The following UGT1A6 variants were observed in gnomAD, a reference collection of about 807,000 sequenced individuals.
UGT1A6 encodes UDP-glucuronosyltransferase 1A6.
A neutral mutation model predicts 44.4 loss-of-function variants in UGT1A6; 32 were observed. The observed-to-expected ratio is 0.72, with a 90% CI of 0.54 to 0.97. UGT1A6 has a LOEUF of 0.97. Among genes scored for constraint, UGT1A6 ranks in the 50% least tolerant of loss-of-function variants. The pLI is 0.00. For synonymous variants in UGT1A6, 238 were observed against 248.5 expected, an observed-to-expected ratio of 0.96 and a Z score of 0.40; for missense variants, 685 against 661.9, an observed-to-expected ratio of 1.03 and a Z score of -0.38.
intron 1 of UGT1A6, chr2:233,713,615 G>T (rs374147519): frequency 6.2e-7 from 1 of 1,613,832 alleles, no homozygotes; most frequent in Non-Finnish European, 8.5e-7. Context: ...TGACATTCCT[G>T]CAAAGGGTCA....
In UGT1A6 at chr2:233,772,793, T is replaced by C. The variant is rs532329443; in HGVS notation, c.*234T>C. 4.9e-6 allele frequency: 6 copies of C among 1,212,356 alleles called. No individual in the cohort carries two copies. The African/African-American group carries it at 9.2e-5, about 19-fold the overall frequency. 75.1% of individuals were successfully genotyped at this position (1,212,356 alleles called of 1,614,324 possible). ...TCTGGTGTCTTTGATCAGGATGACA[T>C]GTGCCATTTTTCAGAGGACGTGCAG... On this transcript the variant is annotated 3_prime_UTR_variant, in exon 5 of 5. Transcript: ENST00000305139.
rs1019965389 is a variant in UGT1A6, at chr2:233,761,222, C to A, written c.862-5812C>A. 2.1e-5 allele frequency: 34 copies of A among 1,613,256 alleles called. No homozygotes were observed. In the African/African-American group the frequency reaches 4.4e-4, roughly 21 times the overall value. ...GTATTACTTTGGATCGATTAACTAG[C>A]CCCAGATATATGCTGAGCAAGCATT... On this transcript the variant is annotated intron_variant, in intron 1 of 4. Coordinates refer to ENST00000305139, the MANE Select transcript of UGT1A6 (RefSeq NM_001072.4).
chr2:233,704,482 A>G (rs2075791499), intron 1 of UGT1A6, among the ~76,000 whole-genome samples: 1 of 152,052 alleles, frequency 6.6e-6, no homozygotes, highest in South Asian at 2.1e-4. Flanking sequence ...TCCCCTTTTT[A>G]TGATATTATT....
intron 1 of UGT1A6, among the ~76,000 whole-genome samples, chr2:233,759,654 A>G: frequency 8.3e-6 from 1 of 120,204 alleles, no homozygotes; most frequent in Non-Finnish European, 1.6e-5. Flanking sequence ...CACGATTTCT[A>G]AGTTCCTGCT....
In UGT1A6 at chr2:233,772,858, A is replaced by C; in HGVS notation, c.*299A>C. ...TAGATTACTTTTCTTACTCTGAAAC[A>C]TGGCCTGTTTGGGAGTGCGGGATTC... On this transcript the variant is annotated 3_prime_UTR_variant, in exon 5 of 5. Transcript: ENST00000305139. The C allele has an allele frequency of 1.4e-6, 1 of 719,796 alleles. No individual in the cohort carries two copies. The allele number at this position is 719,796 out of a possible 1,614,324, so 44.6% of individuals were successfully genotyped here.
rs193257830 is a variant in UGT1A6, at chr2:233,736,992, G to T, written c.862-30042G>T. Among the ~76,000 whole-genome samples, 107 of 152,338 alleles carry T rather than the reference G, an allele frequency of 7.0e-4. 1 individual carries two copies. Among genetic ancestry groups the T allele is most frequent in the Non-Finnish European group, 1.1e-3 (75 of 68,030 alleles). Reference sequence around the variant, plus strand: ...TGTTTCCCAGTCAAGATACACAGAGGTCAGGGACCCGCTTGAGGAGGCAGT... The same window carrying T: ...TGTTTCCCAGTCAAGATACACAGAGTTCAGGGACCCGCTTGAGGAGGCAGT... On this transcript the variant is annotated intron_variant, in intron 1 of 4. Transcript: ENST00000305139.
intron 1 of UGT1A6, among the ~76,000 whole-genome samples, chr2:233,726,698 T>C (rs1479327471): frequency 6.6e-6 from 1 of 152,232 alleles, no homozygotes; most frequent in Non-Finnish European, 1.5e-5. Context: ...ACGGAACATA[T>C]TCCCAGGTTT....
chr2:233,707,235 A>T (rs2075951053), intron 1 of UGT1A6, among the ~76,000 whole-genome samples: 1 of 151,676 alleles, frequency 6.6e-6, no homozygotes, highest in Admixed American at 6.6e-5. Flanking sequence ...TGTGATGATT[A>T]TTTCTCTTGT....
intron 1 of UGT1A6, among the ~76,000 whole-genome samples, chr2:233,765,655 G>A (rs1698901056): frequency 6.6e-6 from 1 of 151,526 alleles, no homozygotes; most frequent in African/African-American, 2.4e-5. Context: ...AATAGGTGCA[G>A]CAAACCACCA....
intron 1 of UGT1A6, among the ~76,000 whole-genome samples, chr2:233,718,367 A>G (rs896137284): frequency 2.0e-5 from 3 of 152,244 alleles, no homozygotes; most frequent in South Asian, 2.1e-4. Flanking sequence ...TTATTCACAT[A>G]TGAGAAGAAA....
intron 1 of UGT1A6, among the ~76,000 whole-genome samples, chr2:233,750,053 G>A (rs1694341640): frequency 6.6e-6 from 1 of 151,850 alleles, no homozygotes. Flanking sequence ...ATGTGGAAGT[G>A]ACTTTGGAAC....
intron 1 of UGT1A6, chr2:233,760,772 A>C: frequency 6.2e-7 from 1 of 1,613,930 alleles, no homozygotes; most frequent in Non-Finnish European, 8.5e-7. Flanking sequence ...ATCGTGGCCC[A>C]GTACCTGTCT....
chr2:233,732,680 C>G (rs899691828), intron 1 of UGT1A6, among the ~76,000 whole-genome samples: 5 of 151,938 alleles, frequency 3.3e-5, no homozygotes, highest in South Asian at 2.1e-4. Flanking sequence ...TGTTTTGGTA[C>G]CAGCACCCAT....
intron 1 of UGT1A6, chr2:233,747,418 T>A: frequency 6.2e-7 from 1 of 1,607,692 alleles, no homozygotes; most frequent in Non-Finnish European, 8.5e-7. Flanking sequence ...AATATGCACA[T>A]CAAACAAGAG....
intron 1 of UGT1A6, among the ~76,000 whole-genome samples, chr2:233,727,901 A>G (rs2077664960): frequency 6.6e-6 from 1 of 152,194 alleles, no homozygotes; most frequent in Non-Finnish European, 1.5e-5. Context: ...CGGCCAGGCA[A>G]GAAGACACAG....
chr2:233,721,961 A>G (rs2076983118), intron 1 of UGT1A6: 1 of 312,750 alleles, frequency 3.2e-6, no homozygotes, highest in Admixed American at 3.8e-5. Flanking sequence ...TTGTATATGC[A>G]TACATTGATG....
intron 1 of UGT1A6, chr2:233,754,900 C>A (rs900398132): frequency 7.4e-7 from 1 of 1,352,224 alleles, no homozygotes; most frequent in African/African-American, 1.5e-5. Flanking sequence ...CTCTGACCCC[C>A]CAAAATATTC....
chr2:233,717,108 A>C (rs1447260026), intron 1 of UGT1A6, among the ~76,000 whole-genome samples: 3 of 152,264 alleles, frequency 2.0e-5, no homozygotes, highest in East Asian at 3.9e-4. Context: ...TCTAAATAAA[A>C]CACCACTACA....
chr2:233,758,754 A>T (rs888171679), intron 1 of UGT1A6, among the ~76,000 whole-genome samples: 16 of 152,250 alleles, frequency 1.1e-4, no homozygotes, highest in Middle Eastern at 6.8e-3. Flanking sequence ...CTGGCCAGTG[A>T]TGTGTATGGT....
Sources: gnomAD v4.1 joint callset for allele counts (sites outside exome capture counted in the v4.1 genomes callset) on GRCh38, gnomAD v4.1.1 for gene constraint, MANE v1.5 for transcripts, NCBI Gene and HGNC (gene_info 2026-07-23, HGNC 2026-07-21) for gene names.